The following PRKD1 variants were observed in gnomAD, a reference collection of about 807,000 sequenced individuals.
PRKD1 encodes the protein protein kinase D1, also known as serine/threonine-protein kinase D1.
Under a neutral mutation model 95.9 loss-of-function variants are expected in PRKD1, and 63 were observed. The observed-to-expected ratio is 0.66, with a 90% CI of 0.54 to 0.81. The LOEUF is 0.81. Among genes scored for constraint, PRKD1 ranks in the 30% least tolerant of loss-of-function variants. PRKD1 has a pLI of 0.00. For synonymous variants in PRKD1, 425 were observed against 423.1 expected, an observed-to-expected ratio of 1.00 and a Z score of -0.05; for missense variants, 1,048 against 1,165.3, an observed-to-expected ratio of 0.90 and a Z score of 1.47.
intron 1 of PRKD1, 120 bp downstream of exon 1, chr14:29,927,129 C>T (rs1319053286): frequency 1.8e-6 from 2 of 1,115,246 alleles, no homozygotes; most frequent in Admixed American, 4.5e-5. Context: ...TCCAGAGCGC[C>T]GGCGAGGCTG....
rs140409496 is a variant in PRKD1, at chr14:29,869,250, C to G, written c.264+57999G>C. On this transcript the variant is annotated intron_variant, in intron 1 of 17. Coordinates refer to ENST00000331968, the MANE Select transcript of PRKD1 (RefSeq NM_002742.3). Reference sequence around the variant, plus strand: ...CTGAGATTAGGAGTTTGAGACCAGCCTGGCCAACATGGTGAAACCCTATCT... The same window carrying G: ...CTGAGATTAGGAGTTTGAGACCAGCGTGGCCAACATGGTGAAACCCTATCT... Among the ~76,000 whole-genome samples, 589 of 152,136 alleles carry G rather than the reference C, an allele frequency of 3.9e-3. 3 individuals are homozygous for G. Among genetic ancestry groups the G allele is most frequent in the Non-Finnish European group, 6.6e-3 (452 of 67,998 alleles).
chr14:29,752,891 T>C (rs904207000), intron 1 of PRKD1, among the ~76,000 whole-genome samples: 2 of 152,074 alleles, frequency 1.3e-5, no homozygotes, highest in Non-Finnish European at 2.9e-5. Flanking sequence ...GAAAATAAGA[T>C]AAAAAAACCT....
intron 2 of PRKD1, among the ~76,000 whole-genome samples, chr14:29,697,791 A>G (rs1241065833): frequency 6.6e-6 from 1 of 152,134 alleles, no homozygotes; most frequent in African/African-American, 2.4e-5. Context: ...GCTTTAATGT[A>G]TTCCTGTTTG....
chr14:29,909,821 C>G (rs908854485), intron 1 of PRKD1, among the ~76,000 whole-genome samples: 13 of 149,846 alleles, frequency 8.7e-5, no homozygotes, highest in Admixed American at 7.3e-4. Flanking sequence ...CAATCAGCAC[C>G]CTGTGTCTAG....
intron 13 of PRKD1, among the ~76,000 whole-genome samples, chr14:29,610,501 C>G (rs1374649963): frequency 2.0e-5 from 3 of 152,292 alleles, no homozygotes; most frequent in Non-Finnish European, 4.4e-5. Context: ...TTGCCAAAAT[C>G]TGGAACTCCG....
chr14:29,667,998 T>C (rs999270767), intron 2 of PRKD1, among the ~76,000 whole-genome samples: 10 of 152,038 alleles, frequency 6.6e-5, no homozygotes, highest in Admixed American at 1.3e-4. Context: ...CCTTGACTTA[T>C]GTTTAAATGC....
chr14:29,829,080 T>C (rs1420283386), intron 1 of PRKD1, among the ~76,000 whole-genome samples: 1 of 152,180 alleles, frequency 6.6e-6, no homozygotes, highest in South Asian at 2.1e-4. Flanking sequence ...GTCCAGGCCA[T>C]GGCCCAGGCA....
At chr14:29,724,155 A>T (rs1303499854) in intron 2 of PRKD1, among the ~76,000 whole-genome samples, 2 of 152,214 alleles carry the variant, frequency 1.3e-5, no homozygotes, top group African/African-American at 4.8e-5. Flanking sequence ...GGTTGCATTC[A>T]ATCTGTCTGC....
intron 1 of PRKD1, among the ~76,000 whole-genome samples, chr14:29,789,377 T>C (rs1273770422): frequency 6.6e-6 from 1 of 152,234 alleles, no homozygotes; most frequent in Non-Finnish European, 1.5e-5. Flanking sequence ...CTTCCAATTT[T>C]ATGGATGGCT....
chr14:29,776,721 T>C lies in PRKD1; in HGVS notation c.265-51047A>G, dbSNP rs549780394. On this transcript the variant is annotated intron_variant, in intron 1 of 17. Coordinates refer to ENST00000331968, the MANE Select transcript of PRKD1 (RefSeq NM_002742.3). The stretch of plus-strand genomic sequence containing the variant: ...TGGAACCAAGTTGGAAAACACTCTG[T>C]AGGATATTATCCAGGAGAACTTCCC... Among the ~76,000 whole-genome samples, 27 of 152,254 alleles carry C rather than the reference T, an allele frequency of 1.8e-4. 1 individual carries two copies. The highest frequency in any genetic ancestry group is 1.0e-3 in the Admixed American group (16 of 15,302).
intron 1 of PRKD1, among the ~76,000 whole-genome samples, chr14:29,743,520 C>T (rs915704676): frequency 6.6e-6 from 1 of 152,146 alleles, no homozygotes; most frequent in African/African-American, 2.4e-5. Flanking sequence ...ATAAAATTCA[C>T]TAGTGGAGAC....
intron 1 of PRKD1, among the ~76,000 whole-genome samples, chr14:29,766,292 T>C (rs905406962): frequency 6.6e-6 from 1 of 152,160 alleles, no homozygotes; most frequent in Admixed American, 6.5e-5. Context: ...AGTCTTAATC[T>C]GGCTATTGTC....
chr14:29,724,114 G>A (rs1416136435), intron 2 of PRKD1, among the ~76,000 whole-genome samples: 1 of 152,182 alleles, frequency 6.6e-6, no homozygotes, highest in African/African-American at 2.4e-5. Context: ...CAAATAAGCA[G>A]TCCTCTCCTA....
At chr14:29,717,618 T>C (rs938365752) in intron 2 of PRKD1, among the ~76,000 whole-genome samples, 1 of 152,158 alleles carries the variant, frequency 6.6e-6, no homozygotes, top group Non-Finnish European at 1.5e-5. Context: ...ATAAATATAT[T>C]ACCATCACTA....
chr14:29,830,418 A>T (rs950633781), intron 1 of PRKD1, among the ~76,000 whole-genome samples: 1 of 152,088 alleles, frequency 6.6e-6, no homozygotes, highest in African/African-American at 2.4e-5. Context: ...CTTCTCATTT[A>T]TTTAAGGAAT....
chr14:29,910,513 T>G (rs1043904768), intron 1 of PRKD1, among the ~76,000 whole-genome samples: 11 of 152,156 alleles, frequency 7.2e-5, no homozygotes, highest in Non-Finnish European at 1.5e-4. Flanking sequence ...CTGCCAACAT[T>G]CAATCACATA....
chr14:29,886,205 C>A (rs1893700718), intron 1 of PRKD1, among the ~76,000 whole-genome samples: 1 of 152,168 alleles, frequency 6.6e-6, no homozygotes, highest in Non-Finnish European at 1.5e-5. Context: ...TAAGTACTAG[C>A]TGCTGGCAAA....
At chr14:29,875,179 C>T (rs1893242781) in intron 1 of PRKD1, among the ~76,000 whole-genome samples, 1 of 152,072 alleles carries the variant, frequency 6.6e-6, no homozygotes, top group Admixed American at 6.6e-5. Flanking sequence ...TTTCCTAAGC[C>T]TTGGTTTTTA....
At chr14:29,715,609 C>T (rs570013823) in intron 2 of PRKD1, among the ~76,000 whole-genome samples, 1 of 152,164 alleles carries the variant, frequency 6.6e-6, no homozygotes, top group South Asian at 2.1e-4. Context: ...GCCTCAAGCA[C>T]AAGAAATTTG....
Sources: gnomAD v4.1 joint callset for allele counts (sites outside exome capture counted in the v4.1 genomes callset) on GRCh38, gnomAD v4.1.1 for gene constraint, MANE v1.5 for transcripts, NCBI Gene and HGNC (gene_info 2026-07-23, HGNC 2026-07-21) for gene names.